Variants in CSNK1G1 observed in about 807,000 individuals in gnomAD.
CSNK1G1 encodes the protein casein kinase I isoform gamma-1.
Under a neutral mutation model 59.6 loss-of-function variants are expected in CSNK1G1, and 22 were observed. The ratio of observed to expected loss-of-function variants is 0.37; its 90% CI spans 0.26 to 0.53. The LOEUF (loss-of-function observed/expected upper bound fraction) is 0.53, where lower values mean the gene tolerates loss of function less well. Ranked by LOEUF, CSNK1G1 falls within the 20% of genes least tolerant of loss-of-function variation. The probability of loss-of-function intolerance (pLI) is 0.89; values close to 1 mark genes in which losing one functional copy is unlikely to be tolerated. For missense variants in CSNK1G1, 384 were observed against 519.5 expected, an observed-to-expected ratio of 0.74 and a Z score of 2.54; for synonymous variants, 179 against 177.1, an observed-to-expected ratio of 1.01 and a Z score of -0.08.
chr15:64,338,399 T>C (rs1272886680), intron 1 of CSNK1G1, among the ~76,000 whole-genome samples: 1 of 152,028 alleles, frequency 6.6e-6, no homozygotes, highest in African/African-American at 2.4e-5. Flanking sequence ...TCTAACAACT[T>C]GATGGTTAAA....
At chr15:64,201,287 A>G (rs937359013) in intron 10 of CSNK1G1, among the ~76,000 whole-genome samples, 99 of 149,076 alleles carry the variant, frequency 6.6e-4, no homozygotes, top group African/African-American at 1.2e-3. Flanking sequence ...AAAAAAAAAA[A>G]AAAGAAAGAA....
chr15:64,170,030 C>T lies in CSNK1G1; in HGVS notation c.*1901G>A, dbSNP rs2081646815. 2.0e-5 allele frequency: 3 copies of T among 152,258 alleles called. No homozygotes were observed. The highest frequency in any genetic ancestry group is 7.2e-5 in the African/African-American group (3 of 41,456). 9.4% of individuals were successfully genotyped at this position (152,258 alleles called of 1,614,324 possible). A position where few individuals can be genotyped will look rare whatever the true frequency, so the allele number is the denominator to read the frequency against. On this transcript the variant is annotated 3_prime_UTR_variant, in exon 12 of 12. Transcript: ENST00000303052. ...CAGAGGTGAAGACTTCTATGGTCCA[C>T]AAACCATCAGACTAAGTCACCCACC...
chr15:64,276,569 T>C (rs559353031), intron 2 of CSNK1G1, among the ~76,000 whole-genome samples: 2 of 151,660 alleles, frequency 1.3e-5, no homozygotes, highest in South Asian at 2.1e-4. Flanking sequence ...TGGGAACCCA[T>C]GAAAATGAAA....
In CSNK1G1 at chr15:64,282,651, G is replaced by C. The variant is rs114915459; in HGVS notation, c.181+17668C>G. Reference sequence around the variant, plus strand: ...AGTATGTATCTTTATTCATTTTTATGGGCTAATAATACCACATTTTGTTGA... The same window carrying C: ...AGTATGTATCTTTATTCATTTTTATCGGCTAATAATACCACATTTTGTTGA... On this transcript the variant is annotated intron_variant, in intron 2 of 11. Transcript: ENST00000303052. Among the ~76,000 whole-genome samples, 1,259 of 152,130 alleles carry C rather than the reference G, an allele frequency of 8.3e-3. 17 individuals are homozygous for C. The highest frequency in any genetic ancestry group is 0.029 in the African/African-American group (1,206 of 41,486).
chr15:64,184,998 G>A (rs1397319572), intron 10 of CSNK1G1, among the ~76,000 whole-genome samples: 2 of 152,180 alleles, frequency 1.3e-5, no homozygotes, highest in Non-Finnish European at 2.9e-5. Context: ...ACTTGGTCCT[G>A]AACATTTCTA....
At chr15:64,270,973 T>G (rs1287800056) in intron 2 of CSNK1G1, among the ~76,000 whole-genome samples, 2 of 152,056 alleles carry the variant, frequency 1.3e-5, no homozygotes, top group Non-Finnish European at 2.9e-5. Flanking sequence ...ACTATGTATG[T>G]GTGTATTTTA....
intron 1 of CSNK1G1, among the ~76,000 whole-genome samples, chr15:64,353,417 C>T (rs1566959120): frequency 6.6e-6 from 1 of 151,626 alleles, no homozygotes; most frequent in Non-Finnish European, 1.5e-5. Context: ...GAGGCTGAGG[C>T]GGGTGGATCA....
rs535016866 is a variant in CSNK1G1 at position 64,166,632 on chromosome 15, C to G, written c.*5299G>C. ...ATTTCTCCCCAAAGAAATGGCTCAT[C>G]TTTCCTGAGACATTCCTAATAGACT... On this transcript the variant is annotated 3_prime_UTR_variant, in exon 12 of 12. Transcript: ENST00000303052. This position sits in a 1 kb window ranked among gnomAD's most constrained non-coding sequence, Gnocchi z 4.5. The G allele has an allele frequency of 5.2e-5, 8 of 152,864 alleles. No individual in the cohort carries two copies. Among genetic ancestry groups the G allele is most frequent in the African/African-American group, 1.7e-4 (7 of 41,582 alleles). 9.5% of individuals were successfully genotyped at this position (152,864 alleles called of 1,614,324 possible).
rs1186771767 is a variant in CSNK1G1 at position 64,169,337 on chromosome 15, A to G, written c.*2594T>C. 6.6e-6 allele frequency: 1 copy of G among 151,408 alleles called. No homozygotes were observed. The highest frequency in any genetic ancestry group is 1.5e-5 in the Non-Finnish European group (1 of 68,078). 9.4% of individuals were successfully genotyped at this position (151,408 alleles called of 1,614,324 possible). On this transcript the variant is annotated 3_prime_UTR_variant, in exon 12 of 12. Coordinates refer to ENST00000303052, the MANE Select transcript of CSNK1G1 (RefSeq NM_022048.5). ...AACTTCTGCCTCCCAGGCTCAAGTGATTCTCCTGCCTCAGCCTCCCGAGTA... is the reference window on the plus strand; with the variant it reads ...AACTTCTGCCTCCCAGGCTCAAGTGGTTCTCCTGCCTCAGCCTCCCGAGTA...
At chr15:64,336,559 A>C (rs1293658165) in intron 1 of CSNK1G1, among the ~76,000 whole-genome samples, 1 of 152,148 alleles carries the variant, frequency 6.6e-6, no homozygotes, top group Non-Finnish European at 1.5e-5. Context: ...GGAGTTCATG[A>C]CCAGCCTGGG....
intron 1 of CSNK1G1, among the ~76,000 whole-genome samples, chr15:64,329,377 A>G (rs1897004749): frequency 6.7e-6 from 1 of 148,890 alleles, no homozygotes; most frequent in South Asian, 2.2e-4. Flanking sequence ...ATCTCACTCA[A>G]AGCCACTCAA....
At chr15:64,332,840 T>A (rs946224852) in intron 1 of CSNK1G1, among the ~76,000 whole-genome samples, 15 of 152,094 alleles carry the variant, frequency 9.9e-5, no homozygotes, top group African/African-American at 3.6e-4. Context: ...TTTAAAAGAA[T>A]TTTTAGCCCA....
At chr15:64,212,519 C>A (rs960540188) in intron 6 of CSNK1G1, among the ~76,000 whole-genome samples, 1 of 151,534 alleles carries the variant, frequency 6.6e-6, no homozygotes, top group Non-Finnish European at 1.5e-5. Context: ...GTTTGAGACC[C>A]GCCTGGGGAA....
chr15:64,217,922 T>C (rs1345673772), intron 4 of CSNK1G1, among the ~76,000 whole-genome samples: 1 of 152,118 alleles, frequency 6.6e-6, no homozygotes, highest in South Asian at 2.1e-4. Flanking sequence ...TACAGTTGCA[T>C]ATGTTGTAGA....
At position 64,300,461 on chromosome 15, in the gene CSNK1G1, C is replaced by T; in HGVS notation, c.39G>A (p.Arg13=). The T allele has an allele frequency of 6.2e-7, 1 of 1,614,138 alleles. No homozygotes were observed. Among genetic ancestry groups the T allele is most frequent in the Non-Finnish European group, 8.5e-7 (1 of 1,180,020 alleles). ...HPSREKDERQ[R]TTKPMAQRSA... ...TCCTTTGTGCCATGGGTTTAGTTGTCCGTTGTCTTTCATCCTTTTCCCTAC... is the reference window on the plus strand; with the variant it reads ...TCCTTTGTGCCATGGGTTTAGTTGTTCGTTGTCTTTCATCCTTTTCCCTAC... Residue 13 remains arginine (R), a synonymous_variant, in exon 2 of 12, where the codon CGG becomes CGA. Coordinates refer to ENST00000303052, the MANE Select transcript of CSNK1G1 (RefSeq NM_022048.5).
chr15:64,175,257 T>C, intron 11 of CSNK1G1, among the ~76,000 whole-genome samples: 1 of 152,166 alleles, frequency 6.6e-6, no homozygotes, highest in Non-Finnish European at 1.5e-5. Context: ...GAAGCCCCTG[T>C]AGGCAATCTG....
intron 1 of CSNK1G1, among the ~76,000 whole-genome samples, chr15:64,350,180 T>C (rs1183376540): frequency 1.3e-5 from 2 of 152,154 alleles, no homozygotes; most frequent in African/African-American, 2.4e-5. Context: ...AAGTGGACTA[T>C]GTTAAATACT....
intron 1 of CSNK1G1, among the ~76,000 whole-genome samples, chr15:64,308,634 C>A (rs1895819662): frequency 6.6e-6 from 1 of 152,154 alleles, no homozygotes; most frequent in Admixed American, 6.6e-5. Flanking sequence ...CGGTGGCTCA[C>A]ATCTATAATC....
intron 1 of CSNK1G1, among the ~76,000 whole-genome samples, chr15:64,346,466 ATTTATT>A (rs1241973007): frequency 7.2e-5 from 8 of 111,126 alleles, no homozygotes; most frequent in African/African-American, 2.6e-4. Context: ...TTATTTATTT[ATTTATT>A]TTGAGACATA....
Sources: allele counts gnomAD v4.1 joint callset (sites outside exome capture counted in the v4.1 genomes callset), GRCh38; gene constraint gnomAD v4.1.1; non-coding constraint Gnocchi (gnomAD v3.1); transcripts MANE v1.5; gene names NCBI Gene and HGNC (gene_info 2026-07-23, HGNC 2026-07-21).